The following PHYH variants were observed in gnomAD, a reference collection of about 807,000 sequenced individuals.
The protein encoded by PHYH is phytanoyl-CoA dioxygenase, peroxisomal.
Under a neutral mutation model 38.5 loss-of-function variants are expected in PHYH, and 32 were observed. The observed-to-expected ratio is 0.83, with a 90% CI of 0.63 to 1.12. The LOEUF is 1.12. Ranked by LOEUF, PHYH falls within the 50% of genes most tolerant of loss-of-function variation. The pLI is 0.00. For missense variants in PHYH, 426 were observed against 434.8 expected (o/e 0.98, Z 0.18); for synonymous variants, 166 against 157.9 (o/e 1.05, Z -0.38).
At chr10:13,298,083 A>C in intron 2 of PHYH, 104 bp downstream of exon 2, 1 of 761,166 alleles carries the variant, frequency 1.3e-6, no homozygotes, top group Admixed American at 2.1e-5. Flanking sequence ...GATTTGTATA[A>C]TAAAATTCTA....
chr10:13,278,945 A>G (rs1364189757), intron 8 of PHYH, among the ~76,000 whole-genome samples: 2 of 152,134 alleles, frequency 1.3e-5, no homozygotes, highest in African/African-American at 2.4e-5. Flanking sequence ...AGCTAACATA[A>G]CTGGGTCAAT....
intron 1 of PHYH, chr10:13,299,342 TA>T: frequency 1.5e-6 from 1 of 668,064 alleles, no homozygotes; most frequent in Non-Finnish European, 1.9e-6. Context: ...CGGCTCACTG[TA>T]ACCCTGGACT....
chr10:13,287,868 C>A (rs1835592965), intron 6 of PHYH, among the ~76,000 whole-genome samples: 1 of 152,182 alleles, frequency 6.6e-6, no homozygotes, highest in African/African-American at 2.4e-5. Context: ...CCAAGCTCCC[C>A]ACCTTGGCTG....
At chr10:13,294,909 C>T (rs1212845493) in intron 3 of PHYH, 2 of 399,686 alleles carry the variant, frequency 5.0e-6, no homozygotes, top group Non-Finnish European at 9.4e-6. Flanking sequence ...AAAGTGGTTT[C>T]CATATATTTC....
At chr10:13,283,668 G>A (rs1195084053) in intron 7 of PHYH, 22 bp downstream of exon 7, 10 of 1,610,068 alleles carry the variant, frequency 6.2e-6, no homozygotes, top group African/African-American at 1.3e-5. Flanking sequence ...TCTGCAGCAG[G>A]TGCAGCAATG....
At chr10:13,296,722 G>A (rs962791908) in intron 2 of PHYH, among the ~76,000 whole-genome samples, 1 of 148,704 alleles carries the variant, frequency 6.7e-6, no homozygotes, top group African/African-American at 2.5e-5. Flanking sequence ...AGCTTTGGGA[G>A]GCTGAGGTGG....
intron 1 of PHYH, 28 bp downstream of exon 1, chr10:13,299,940 C>T: frequency 6.6e-7 from 1 of 1,511,742 alleles, no homozygotes. Flanking sequence ...CCGGATCCAG[C>T]CCGAGCCCCG....
chr10:13,278,805 C>T (rs762604559), intron 8 of PHYH, among the ~76,000 whole-genome samples: 7 of 152,164 alleles, frequency 4.6e-5, no homozygotes, highest in Non-Finnish European at 7.3e-5. Context: ...CTCCCAAGTG[C>T]TGGGATTACA....
rs544366039 is a variant in PHYH at position 13,283,181 on chromosome 10, T to C, written c.828+509A>G. 2.1e-5 allele frequency among the ~76,000 whole-genome samples: 3 copies of C among 140,058 alleles called. No individual in the cohort carries two copies. In the East Asian group the frequency reaches 6.5e-4, roughly 30 times the overall value. The allele number at this position is 140,058 out of a possible 152,430, so 91.9% of individuals were successfully genotyped here. Reference sequence around the variant, plus strand: ...AGTCTCGCTGTCGCCCAGGCTGGAGTGCAGTGGCGCGATCTCGGCTCACTG... The same window carrying C: ...AGTCTCGCTGTCGCCCAGGCTGGAGCGCAGTGGCGCGATCTCGGCTCACTG... On this transcript the variant is annotated intron_variant, in intron 7 of 8. Coordinates refer to ENST00000263038, the MANE Select transcript of PHYH (RefSeq NM_006214.4).
At chr10:13,279,054 A>G (rs2131628035) in intron 8 of PHYH, among the ~76,000 whole-genome samples, 1 of 151,396 alleles carries the variant, frequency 6.6e-6, no homozygotes, top group South Asian at 2.1e-4. Context: ...GCTGGAGTGC[A>G]ATGGTACCAT....
Position 13,277,839 on chromosome 10 carries a change from C to T in PHYH, c.*462G>A, listed in dbSNP as rs1010472735. On this transcript the variant is annotated 3_prime_UTR_variant, in exon 9 of 9. Transcript: ENST00000263038. The stretch of plus-strand genomic sequence containing the variant: ...CCACTTTATTTGGACTCCATGACAC[C>T]GTTCCTATGCCCTTGACTAGATGTG... 4.8e-5 allele frequency: 10 copies of T among 208,082 alleles called. No homozygotes were observed. The highest frequency in any genetic ancestry group is 1.7e-4 in the African/African-American group (7 of 42,238). The allele number at this position is 208,082 out of a possible 1,614,324, so 12.9% of individuals were successfully genotyped here. A position where few individuals can be genotyped will look rare whatever the true frequency, so the allele number is the denominator to read the frequency against.
At chr10:13,280,845 C>T (rs903924661) in intron 8 of PHYH, 131 bp downstream of exon 8, 5 of 869,942 alleles carry the variant, frequency 5.7e-6, no homozygotes, top group Non-Finnish European at 9.4e-6. Flanking sequence ...GGTGGGGGCT[C>T]AGCGATGTCC....
At position 13,282,461 on chromosome 10, in the gene PHYH, G is replaced by A. The variant is rs575716998; in HGVS notation, c.828+1229C>T. Among the ~76,000 whole-genome samples the A allele has an allele frequency of 1.8e-3, 280 of 151,894 alleles. 6 individuals are homozygous for A. The highest frequency in any genetic ancestry group is 1.9e-3 in the Non-Finnish European group (127 of 67,956). ...ACAAAAATTAGCTGGGCATAGTGGC[G>A]TGTGCCTGTAGTCTCAGCTACTCAC... On this transcript the variant is annotated intron_variant, in intron 7 of 8. Transcript: ENST00000263038.
intron 7 of PHYH, among the ~76,000 whole-genome samples, chr10:13,281,973 C>T (rs116685851): frequency 0.012 from 1,886 of 152,168 alleles, 43 homozygotes; most frequent in African/African-American, 0.043. Context: ...AGCCTGGGCA[C>T]GGTGGCTCAT....
At chr10:13,291,030 G>A (rs922226401) in intron 5 of PHYH, among the ~76,000 whole-genome samples, 5 of 150,756 alleles carry the variant, frequency 3.3e-5, no homozygotes, top group Non-Finnish European at 7.4e-5. Context: ...TTTGAACCTG[G>A]GAGGTGGGGG....
chr10:13,294,898 C>A, intron 3 of PHYH: 1 of 416,836 alleles, frequency 2.4e-6, no homozygotes, highest in East Asian at 5.4e-5. Context: ...CAGCTCTCTT[C>A]AAAGTGGTTT....
In PHYH at chr10:13,298,217, GA is replaced by G; in HGVS notation, c.103del (p.Ser35ProfsTer19). 2 of 1,606,998 alleles carry G rather than the reference GA, an allele frequency of 1.2e-6. No individual in the cohort carries two copies. The highest frequency in any genetic ancestry group is 1.7e-6 in the Non-Finnish European group (2 of 1,173,584). On this transcript the variant is annotated frameshift_variant, in exon 2 of 9. Coordinates refer to ENST00000263038, the MANE Select transcript of PHYH (RefSeq NM_006214.4). LOFTEE classifies it high-confidence loss of function. ...VVAHPTSGTI[S>X]SASFHPQQFQ... ...TTGTTGAGGATGGAAACTGGCAGAG[GA>G]AATAGTCCCTGAAGTGGGATGAGCT...
chr10:13,289,486 C>T (rs1364453301), intron 5 of PHYH, among the ~76,000 whole-genome samples: 2 of 152,170 alleles, frequency 1.3e-5, no homozygotes, highest in Non-Finnish European at 2.9e-5. Flanking sequence ...TGAGCCACCA[C>T]GCCCGGCCTT....
In PHYH at chr10:13,299,977, G is replaced by T. The variant is rs1832706423; in HGVS notation, c.66C>A (p.Ala22=). 5 of 1,530,332 alleles carry T rather than the reference G, an allele frequency of 3.3e-6. No homozygotes were observed. Among genetic ancestry groups the T allele is most frequent in the Non-Finnish European group, 4.4e-6 (5 of 1,143,730 alleles). 94.8% of individuals were successfully genotyped at this position (1,530,332 alleles called of 1,614,324 possible). A position where few individuals can be genotyped will look rare whatever the true frequency, so the allele number is the denominator to read the frequency against. Reference sequence around the variant, plus strand: ...GCAGCCCAAAGGATACGACAGCCCCGGCCGAGGGGCGGCCGAGGTGGCCCA... The same window carrying T: ...GCAGCCCAAAGGATACGACAGCCCCTGCCGAGGGGCGGCCGAGGTGGCCCA... The part of the protein sequence containing the change: ...IVLGHLGRPS[A]GAVVAHPTSG... Residue 22 remains alanine (A), a synonymous_variant, in exon 1 of 9, where the codon GCC becomes GCA. Transcript: ENST00000263038.
Sources: allele counts gnomAD v4.1 joint callset (sites outside exome capture counted in the v4.1 genomes callset), GRCh38; gene constraint gnomAD v4.1.1; transcripts MANE v1.5; gene names NCBI Gene and HGNC (gene_info 2026-07-23, HGNC 2026-07-21).